The following PAX3 variants were observed in gnomAD, a reference collection of about 807,000 sequenced individuals.
The protein encoded by PAX3 is paired box 3, also known as paired box protein Pax-3.
In PAX3, 14 loss-of-function variants were observed where a neutral mutation model predicts 51.6. The ratio of observed to expected loss-of-function variants is 0.27; its 90% confidence interval spans 0.18 to 0.42. The LOEUF is 0.42. PAX3 is among the 10% of genes least tolerant of loss of function. The pLI is 1.00. For missense variants in PAX3, 540 were observed against 642.8 expected, an observed-to-expected ratio of 0.84 and a Z score of 1.73; for synonymous variants, 280 against 253.4, an observed-to-expected ratio of 1.11 and a Z score of -1.00.
intron 7 of PAX3, among the ~76,000 whole-genome samples, chr2:222,203,030 T>C (rs1464899793): frequency 9.3e-6 from 1 of 107,784 alleles, no homozygotes; most frequent in Non-Finnish European, 1.8e-5. Flanking sequence ...TATATATATA[T>C]ATATATATAT....
At chr2:222,221,408 T>G (rs1574648179) in intron 5 of PAX3, 21 bp from the exon 6 acceptor site, 1 of 1,608,840 alleles carries the variant, frequency 6.2e-7, no homozygotes, top group Non-Finnish European at 8.5e-7. Flanking sequence ...AATTTAAAAT[T>G]TAAGGATTTC....
chr2:222,267,376 G>T (rs1026352157), intron 4 of PAX3, among the ~76,000 whole-genome samples: 1 of 152,142 alleles, frequency 6.6e-6, no homozygotes, highest in Non-Finnish European at 1.5e-5. Context: ...TAAGATGATG[G>T]ACACTTCCTA....
intron 7 of PAX3, among the ~76,000 whole-genome samples, chr2:222,213,280 C>G (rs1691819032): frequency 6.6e-6 from 1 of 152,176 alleles, no homozygotes; most frequent in African/African-American, 2.4e-5. Context: ...TCCTCATACT[C>G]TTAAGTGTAG....
intron 5 of PAX3, among the ~76,000 whole-genome samples, chr2:222,231,363 A>C (rs1375694152): frequency 6.6e-6 from 1 of 152,246 alleles, no homozygotes; most frequent in Non-Finnish European, 1.5e-5. Context: ...GTAGTTCTTC[A>C]TTAATGATGA....
intron 4 of PAX3, among the ~76,000 whole-genome samples, chr2:222,273,543 C>A (rs1427219230): frequency 6.6e-6 from 1 of 152,132 alleles, no homozygotes; most frequent in Admixed American, 6.5e-5. Flanking sequence ...GGAGATCATG[C>A]CAGTGGTTCC....
chr2:222,289,647 A>G (rs2106188465), intron 4 of PAX3, among the ~76,000 whole-genome samples: 2 of 152,348 alleles, frequency 1.3e-5, no homozygotes, highest in Middle Eastern at 6.8e-3. Flanking sequence ...CATGTTTTCA[A>G]TAAAGCTCTA....
At chr2:222,201,520 C>T (rs1691293370) in intron 8 of PAX3, 78 bp from the exon 9 acceptor site, 2 of 1,546,696 alleles carry the variant, frequency 1.3e-6, no homozygotes, top group African/African-American at 1.4e-5. Context: ...TACAGGCTGA[C>T]AATGTCATAT....
At chr2:222,241,306 G>A (rs904435208) in intron 4 of PAX3, among the ~76,000 whole-genome samples, 22 of 152,166 alleles carry the variant, frequency 1.4e-4, no homozygotes, top group African/African-American at 5.3e-4. Context: ...ATCGCGGGCT[G>A]GCCATCATGT....
At chr2:222,265,504 A>AG (rs150270991) in intron 4 of PAX3, among the ~76,000 whole-genome samples, 27,112 of 151,864 alleles carry the variant, frequency 0.18, 2,798 homozygotes, top group East Asian at 0.37. Flanking sequence ...ATACAAAAAA[A>AG]TAGCCGGGCG....
At chr2:222,271,777 A>G (rs999124304) in intron 4 of PAX3, among the ~76,000 whole-genome samples, 1 of 152,202 alleles carries the variant, frequency 6.6e-6, no homozygotes, top group African/African-American at 2.4e-5. Flanking sequence ...CAAGGGACAA[A>G]TCATTCATGA....
At chr2:222,268,032 T>A (rs184570981) in intron 4 of PAX3, among the ~76,000 whole-genome samples, 36 of 152,350 alleles carry the variant, frequency 2.4e-4, no homozygotes, top group Admixed American at 2.2e-3. Context: ...AGCTACATTC[T>A]GTAACAGTAT....
Position 222,220,365 on chromosome 2 carries a change from A to G in PAX3, c.959-11T>C. On this transcript the variant is annotated splice_polypyrimidine_tract_variant and intron_variant, in intron 6 of 8. Transcript: ENST00000392070. ...TGGGATCTGACACAGCTGAAATGAAAAAGATTGTCAACCATCATGTTTTCT... is the reference window on the plus strand; with the variant it reads ...TGGGATCTGACACAGCTGAAATGAAGAAGATTGTCAACCATCATGTTTTCT... The G allele has an allele frequency of 1.2e-6, 2 of 1,613,304 alleles. No homozygotes were observed. The highest frequency in any genetic ancestry group is 1.7e-6 in the Non-Finnish European group (2 of 1,179,316).
At chr2:222,273,687 A>G (rs1304606593) in intron 4 of PAX3, among the ~76,000 whole-genome samples, 1 of 152,216 alleles carries the variant, frequency 6.6e-6, no homozygotes, top group East Asian at 1.9e-4. Flanking sequence ...ATTCAATTGT[A>G]TTTAAAGCTG....
At chr2:222,227,799 A>G (rs1692442700) in intron 5 of PAX3, among the ~76,000 whole-genome samples, 1 of 152,054 alleles carries the variant, frequency 6.6e-6, no homozygotes, top group Admixed American at 6.6e-5. Context: ...CAGTTCTTAC[A>G]TTGTGTACTC....
At chr2:222,202,231 G>T in intron 7 of PAX3, 41 bp from the exon 8 acceptor site, 1 of 1,398,956 alleles carries the variant, frequency 7.1e-7, no homozygotes, top group Non-Finnish European at 9.9e-7. Flanking sequence ...AAAATGCAGA[G>T]AGATCCAGAT....
In PAX3 at chr2:222,295,771, C is replaced by A. The variant is rs566783625; in HGVS notation, c.322-114G>T. 8.7e-6 allele frequency: 11 copies of A among 1,265,590 alleles called. No individual in the cohort carries two copies. In the East Asian group the frequency reaches 1.9e-4, roughly 21 times the overall value. 78.4% of individuals were successfully genotyped at this position (1,265,590 alleles called of 1,614,324 possible). On this transcript the variant is annotated intron_variant, in intron 2 of 8. Coordinates refer to ENST00000392070, the MANE Select transcript of PAX3 (RefSeq NM_181458.4). The stretch of plus-strand genomic sequence containing the variant: ...TCCTCGCTGAATCCTCTGGGACGGT[C>A]CCCCTTTGTGAGCAAAAAGACCTGA...
intron 7 of PAX3, among the ~76,000 whole-genome samples, chr2:222,208,306 T>C (rs1174431271): frequency 4.6e-5 from 7 of 152,172 alleles, no homozygotes; most frequent in Non-Finnish European, 2.9e-5. Context: ...CAAATATTTT[T>C]TTTTTCTATG....
intron 4 of PAX3, among the ~76,000 whole-genome samples, chr2:222,285,526 G>T (rs2106182238): frequency 1.3e-5 from 2 of 152,284 alleles, no homozygotes; most frequent in South Asian, 4.1e-4. Flanking sequence ...ATATCTGTGT[G>T]CCTGTAAAAA....
intron 4 of PAX3, among the ~76,000 whole-genome samples, chr2:222,254,348 G>A (rs529590574): frequency 6.6e-6 from 1 of 152,066 alleles, no homozygotes; most frequent in Non-Finnish European, 1.5e-5. Flanking sequence ...GATTGGTCTC[G>A]TTGTATGAAA....
Sources: gnomAD v4.1 joint callset for allele counts (sites outside exome capture counted in the v4.1 genomes callset) on GRCh38, gnomAD v4.1.1 for gene constraint, MANE v1.5 for transcripts, NCBI Gene and HGNC (gene_info 2026-07-23, HGNC 2026-07-21) for gene names.